Variants in RRM2 observed in about 807,000 individuals in gnomAD.
RRM2 encodes the protein ribonucleoside-diphosphate reductase subunit M2.
In RRM2, 6 loss-of-function variants were observed where a neutral mutation model predicts 45.9. That is an observed-to-expected ratio of 0.13 (90% CI 0.07 to 0.26). The LOEUF (loss-of-function observed/expected upper bound fraction) is 0.26, where lower values mean the gene tolerates loss of function less well. RRM2 is among the 10% of genes least tolerant of loss of function. The pLI is 1.00. For missense variants in RRM2, 343 were observed against 489.5 expected (o/e 0.70, Z 2.82); for synonymous variants, 177 against 173.0 (o/e 1.02, Z -0.18).
At chr2:10,181,757 T>C (rs1380131009) in intron 3 of RRM2, among the ~76,000 whole-genome samples, 2 of 35,920 alleles carry the variant, frequency 5.6e-5, no homozygotes, top group South Asian at 7.5e-4. Context: ...TCTCTCTCTT[T>C]TTTTTTTTTT....
chr2:10,193,689 T>C (rs1322185197), intron 3 of RRM2, among the ~76,000 whole-genome samples: 6 of 152,158 alleles, frequency 3.9e-5, no homozygotes, highest in Non-Finnish European at 5.9e-5. Flanking sequence ...AGGTTCAGGT[T>C]ACCCAAGTCC....
At position 10,131,253 on chromosome 2, in the gene RRM2, C is replaced by G. The variant is rs1662895492; in HGVS notation, c.*1867C>G. On this transcript the variant is annotated 3_prime_UTR_variant, in exon 10 of 10. Transcript: ENST00000304567. ...GTGAGGTACAGGCGGAAGTTGGAATCAGGTTTTAGGATTCTGTCTCTCATT... is the reference window on the plus strand; with the variant it reads ...GTGAGGTACAGGCGGAAGTTGGAATGAGGTTTTAGGATTCTGTCTCTCATT... The G allele has an allele frequency of 6.6e-6, 1 of 152,176 alleles. No homozygotes were observed. The highest frequency in any genetic ancestry group is 1.5e-5 in the Non-Finnish European group (1 of 68,046). The allele number at this position is 152,176 out of a possible 1,614,324, so 9.4% of individuals were successfully genotyped here.
chr2:10,167,125 G>A (rs956825369), intron 3 of RRM2, among the ~76,000 whole-genome samples: 6 of 152,168 alleles, frequency 3.9e-5, no homozygotes, highest in Non-Finnish European at 7.4e-5. Context: ...CTCGAGACAC[G>A]CCTCGACTGC....
chr2:10,181,403 G>A (rs1035119), intron 3 of RRM2, among the ~76,000 whole-genome samples: 71,169 of 152,066 alleles, frequency 0.47, 17,665 homozygotes, highest in East Asian at 0.66. Context: ...TTTAGGTTTC[G>A]TTGATTGTCT....
At chr2:10,133,633 T>C (rs1016890836), downstream of RRM2, among the ~76,000 whole-genome samples, 14 of 152,026 alleles carry the variant, frequency 9.2e-5, no homozygotes, top group South Asian at 1.0e-3. Flanking sequence ...TCCTGGTGTC[T>C]GTCTGGACAC....
At chr2:10,177,442 G>A (rs1225916442) in intron 3 of RRM2, among the ~76,000 whole-genome samples, 1 of 152,082 alleles carries the variant, frequency 6.6e-6, no homozygotes, top group Non-Finnish European at 1.5e-5. Flanking sequence ...AGTGCACCTT[G>A]TACCCTTTTC....
At chr2:10,139,868 G>A (rs537727591), upstream of RRM2, among the ~76,000 whole-genome samples, 5 of 152,298 alleles carry the variant, frequency 3.3e-5, no homozygotes, top group African/African-American at 4.8e-5. Context: ...CAATGTTAAC[G>A]GAGCAGGGGT....
rs113064718 is a variant in RRM2, at chr2:10,170,982, G to A, written n.482+28607G>A. On this transcript the variant is annotated intron_variant and non_coding_transcript_variant, in intron 3 of 3. Transcript: ENST00000381786. ...CTTGTCCCCAGCCCAGGCACCTCGGGGCTGCAAGCTCCTTTGAGATGCGGG... is the reference window on the plus strand; with the variant it reads ...CTTGTCCCCAGCCCAGGCACCTCGGAGCTGCAAGCTCCTTTGAGATGCGGG... 3.0e-4 allele frequency among the ~76,000 whole-genome samples: 46 copies of A among 152,356 alleles called. 1 individual carries two copies. The highest frequency in any genetic ancestry group is 1.0e-3 in the African/African-American group (43 of 41,584).
Position 10,130,483 on chromosome 2 carries a change from A to G in RRM2, c.*1097A>G, listed in dbSNP as rs941729931. ...TATTATCTATGTTCTTCTAGATTTTACCTGTAGTTCATACTTCAGTCACCC... is the reference window on the plus strand; with the variant it reads ...TATTATCTATGTTCTTCTAGATTTTGCCTGTAGTTCATACTTCAGTCACCC... On this transcript the variant is annotated 3_prime_UTR_variant, in exon 10 of 10. Coordinates refer to ENST00000304567, the MANE Select transcript of RRM2 (RefSeq NM_001034.4). The G allele has an allele frequency of 2.6e-5, 4 of 152,146 alleles. No homozygotes were observed. Among genetic ancestry groups the G allele is most frequent in the Admixed American group, 6.6e-5 (1 of 15,254 alleles). 9.4% of individuals were successfully genotyped at this position (152,146 alleles called of 1,614,324 possible).
In RRM2 at chr2:10,177,694, CCTTCCTTCCTT is replaced by C. The variant is rs1224425903; in HGVS notation, n.483-32615_483-32605del. ...TCCTTCCTTCCTTCCTTCCTTCCTTCCTTCCTTCCTTCCTCTCTCCCTCCCTCCCTCCCTCT... is the reference window on the plus strand; with the variant it reads ...TCCTTCCTTCCTTCCTTCCTTCCTTCCCTCTCTCCCTCCCTCCCTCCCTCT... On this transcript the variant is annotated intron_variant and non_coding_transcript_variant, in intron 3 of 3. Coordinates refer to the RRM2 transcript ENST00000381786. Among the ~76,000 whole-genome samples the C allele has an allele frequency of 3.8e-3, 564 of 148,692 alleles. 2 individuals carry two copies. Among genetic ancestry groups the C allele is most frequent in the African/African-American group, 0.013 (533 of 40,388 alleles).
chr2:10,124,508 G>A (rs1026849804), intron 4 of RRM2, among the ~76,000 whole-genome samples: 9 of 152,106 alleles, frequency 5.9e-5, no homozygotes, highest in Non-Finnish European at 8.8e-5. Context: ...GAAATCGAGC[G>A]CTCACAAATC....
Position 10,122,836 on chromosome 2 carries a change from A to G in RRM2, c.38A>G (p.Asp13Gly), listed in dbSNP as rs778032057. The change falls in exon 1 of 10, where the codon GAC becomes GGC. Residue 13 changes from aspartate (D) to glycine (G), a missense_variant. Asp to Gly is a moderately conservative substitution (Grantham distance 94). This residue lies in a region of RRM2 where 131 missense variants were observed against 121.4 expected (regional missense o/e 1.08). Transcript: ENST00000304567. ...SLRVPLAPIT[D>G]PQQLQLSPLK... ...CGTGTCCCGCTCGCGCCCATCACGG[A>G]CCCGCAGCAGCTGCAGCTCTCGCCG... is the stretch of plus-strand genomic sequence containing the variant. 1 of 1,600,466 alleles carries G rather than the reference A, an allele frequency of 6.2e-7. No individual in the cohort carries two copies. The highest frequency in any genetic ancestry group is 1.7e-5 in the Admixed American group (1 of 58,124).
At chr2:10,136,481 C>T (rs189959064), upstream of RRM2, among the ~76,000 whole-genome samples, 1 of 152,240 alleles carries the variant, frequency 6.6e-6, no homozygotes, top group African/African-American at 2.4e-5. Flanking sequence ...CCCCTGTTGC[C>T]CTTTATCAGA....
chr2:10,163,679 G>A (rs1008228402), intron 3 of RRM2, among the ~76,000 whole-genome samples: 1 of 152,230 alleles, frequency 6.6e-6, no homozygotes, highest in Non-Finnish European at 1.5e-5. Flanking sequence ...AGCCAGGCGC[G>A]AGCCTCGGTT....
At chr2:10,199,767 G>A (rs1664499465) in intron 3 of RRM2, among the ~76,000 whole-genome samples, 2 of 78,374 alleles carry the variant, frequency 2.6e-5, no homozygotes, top group African/African-American at 5.2e-5. Flanking sequence ...GTGACAGAGT[G>A]AGACTCAGTC....
At chr2:10,123,331 C>A (rs1662707907) in intron 2 of RRM2, 56 bp from the exon 3 acceptor site, 1 of 1,540,980 alleles carries the variant, frequency 6.5e-7, no homozygotes, top group South Asian at 1.2e-5. Context: ...TCCAGAAAAA[C>A]GTTAGTTTCA....
chr2:10,186,356 C>T (rs1307602244), intron 3 of RRM2, among the ~76,000 whole-genome samples: 1 of 151,278 alleles, frequency 6.6e-6, no homozygotes, highest in Non-Finnish European at 1.5e-5. Context: ...GGAGTTTCAC[C>T]GTGTTGGCCA....
intron 4 of RRM2, 108 bp from the exon 5 acceptor site, chr2:10,124,609 A>G (rs1662742676): frequency 1.7e-6 from 2 of 1,209,418 alleles, no homozygotes; most frequent in Admixed American, 2.3e-5. Flanking sequence ...AAATATATAT[A>G]GAAATAAACC....
intron 3 of RRM2, among the ~76,000 whole-genome samples, chr2:10,173,787 C>G (rs1468001026): frequency 6.6e-6 from 1 of 152,262 alleles, no homozygotes; most frequent in Non-Finnish European, 1.5e-5. Context: ...GGGCCTGCGT[C>G]TTCCGGGCAG....
Sources: gnomAD v4.1 joint callset for allele counts (sites outside exome capture counted in the v4.1 genomes callset) on GRCh38, gnomAD v4.1.1 for gene constraint, gnomAD v4.1.1 regional missense constraint, MANE v1.5 for transcripts, NCBI Gene and HGNC (gene_info 2026-07-23, HGNC 2026-07-21) for gene names.